Variants in NAALADL2 observed in about 807,000 individuals in gnomAD.
The protein encoded by NAALADL2 is N-acetylated alpha-linked acidic dipeptidase like 2.
A neutral mutation model predicts 87.2 loss-of-function variants in NAALADL2; 76 were observed. The ratio of observed to expected loss-of-function variants is 0.87; its 90% CI spans 0.72 to 1.05. The LOEUF (loss-of-function observed/expected upper bound fraction) is 1.05. Ranked by LOEUF, NAALADL2 falls within the 50% of genes least tolerant of loss-of-function variation. The pLI, the probability that NAALADL2 is intolerant of heterozygous loss-of-function variation, is 0.00. For missense variants in NAALADL2, 1,089 were observed against 945.8 expected (o/e 1.15, Z -1.99); for synonymous variants, 354 against 331.0 (o/e 1.07, Z -0.75).
intron 1 of NAALADL2, among the ~76,000 whole-genome samples, chr3:174,900,976 A>G (rs1732236010): frequency 6.6e-6 from 1 of 152,118 alleles, no homozygotes; most frequent in Non-Finnish European, 1.5e-5. Flanking sequence ...ATCTATAATC[A>G]ATTTGTAGAC....
rs897940851 is a variant in NAALADL2 at position 174,528,699 on chromosome 3, C to T, written c.-183-21870C>T. On this transcript the variant is annotated intron_variant, in intron 1 of 3. Coordinates refer to the NAALADL2 transcript ENST00000434257. ...TGGACTTACAGTTCCACATGGCTGG[C>T]GAGACCTCACAATCAAGGTGGAAGG... Among the ~76,000 whole-genome samples, 12 of 152,078 alleles carry T rather than the reference C, an allele frequency of 7.9e-5. No homozygotes were observed. In the South Asian group the frequency reaches 1.2e-3, roughly 16 times the overall value.
intron 11 of NAALADL2, among the ~76,000 whole-genome samples, chr3:175,650,102 T>C (rs540485154): frequency 1.4e-5 from 2 of 138,420 alleles, no homozygotes; most frequent in East Asian, 2.0e-4. Context: ...ATTTTGCAAG[T>C]AGATAAATAA....
chr3:175,396,759 G>C (rs1769847994), intron 5 of NAALADL2, among the ~76,000 whole-genome samples: 2 of 152,062 alleles, frequency 1.3e-5, no homozygotes, highest in Admixed American at 1.3e-4. Context: ...TCTTGTGACT[G>C]AGTGAGTCCT....
intron 1 of NAALADL2, among the ~76,000 whole-genome samples, chr3:174,959,567 A>C (rs1215335838): frequency 6.6e-6 from 1 of 152,062 alleles, no homozygotes; most frequent in Non-Finnish European, 1.5e-5. Flanking sequence ...AAGTATGCAC[A>C]GTGAATGTGT....
intron 3 of NAALADL2, among the ~76,000 whole-genome samples, chr3:174,794,781 A>G (rs926678208): frequency 3.3e-5 from 5 of 152,142 alleles, no homozygotes; most frequent in African/African-American, 9.7e-5. Flanking sequence ...TCTTAGCACT[A>G]TAAGTAAGAT....
At chr3:175,334,227 G>T (rs770118286) in intron 5 of NAALADL2, among the ~76,000 whole-genome samples, 1 of 152,132 alleles carries the variant, frequency 6.6e-6, no homozygotes, top group Non-Finnish European at 1.5e-5. Flanking sequence ...GATGGACAAA[G>T]CTAGATTAGG....
intron 5 of NAALADL2, among the ~76,000 whole-genome samples, chr3:175,368,506 A>G (rs540127888): frequency 5.3e-5 from 8 of 152,130 alleles, no homozygotes; most frequent in African/African-American, 1.9e-4. Flanking sequence ...ACATTTTACA[A>G]ACGAATCTCT....
chr3:175,049,288 G>A (rs1032071517), intron 1 of NAALADL2, among the ~76,000 whole-genome samples: 4 of 152,178 alleles, frequency 2.6e-5, no homozygotes, highest in Non-Finnish European at 5.9e-5. Context: ...GTAAATGGAA[G>A]TGGGACAGAT....
At chr3:175,713,690 C>A (rs1740844808) in intron 11 of NAALADL2, among the ~76,000 whole-genome samples, 1 of 151,922 alleles carries the variant, frequency 6.6e-6, no homozygotes, top group South Asian at 2.1e-4. Flanking sequence ...TTTCTTTATT[C>A]TTTTTTGTTT....
chr3:175,570,845 A>T (rs2149540354), intron 9 of NAALADL2, among the ~76,000 whole-genome samples: 1 of 147,452 alleles, frequency 6.8e-6, no homozygotes, highest in Non-Finnish European at 1.5e-5. Flanking sequence ...GTGCCACTGC[A>T]CTCCAGCCTG....
intron 1 of NAALADL2, among the ~76,000 whole-genome samples, chr3:175,051,898 G>A (rs1056377929): frequency 6.6e-6 from 1 of 152,186 alleles, no homozygotes; most frequent in African/African-American, 2.4e-5. Context: ...AAGCAGAAGA[G>A]GCATTTGCCG....
rs10591566 is a variant in NAALADL2, at chr3:175,463,701, G to GGAGAGAGAGAGAGAGAGAGAGAGAGAGA, written c.1327+216_1327+243dup. Among the ~76,000 whole-genome samples, 271 of 115,460 alleles carry GGAGAGAGAGAGAGAGAGAGAGAGAGAGA rather than the reference G, an allele frequency of 2.3e-3. 8 individuals carry two copies. The highest frequency in any genetic ancestry group is 0.01 in the African/African-American group (258 of 25,322). The allele number at this position is 115,460 out of a possible 152,430, so 75.7% of individuals were successfully genotyped here. On this transcript the variant is annotated intron_variant, in intron 7 of 13. Coordinates refer to ENST00000454872, the MANE Select transcript of NAALADL2 (RefSeq NM_207015.3). ...TCTTCTAAAATAAATCTTAGTCGGG[G>GGAGAGAGAGAGAGAGAGAGAGAGAGAGA]GAGAGAGAGAGAGAGAGAGAGAGAG...
chr3:175,791,868 T>G (rs1053679372), intron 13 of NAALADL2, among the ~76,000 whole-genome samples: 4 of 151,172 alleles, frequency 2.6e-5, no homozygotes, highest in Admixed American at 1.3e-4. Context: ...CCCTCTAATA[T>G]TCACAGCTGA....
chr3:174,472,479 T>C (rs757306324), intron 1 of NAALADL2, among the ~76,000 whole-genome samples: 3 of 152,076 alleles, frequency 2.0e-5, no homozygotes, highest in African/African-American at 4.8e-5. Context: ...GTAGGGGGAA[T>C]TGGTGAGTGT....
chr3:175,808,879 TA>T lies in NAALADL2; in HGVS notation c.*5677del, dbSNP rs1364737040. ...AGTCCCTATTTTAATGAACTACATA[TA>T]TTTTTCAATCAAAATGTGTAATTAT... is the stretch of plus-strand genomic sequence containing the variant. On this transcript the variant is annotated 3_prime_UTR_variant, in exon 14 of 14. Coordinates refer to ENST00000454872, the MANE Select transcript of NAALADL2 (RefSeq NM_207015.3). 6.6e-6 allele frequency: 1 copy of T among 151,978 alleles called. No individual in the cohort carries two copies. Among genetic ancestry groups the T allele is most frequent in the Non-Finnish European group, 1.5e-5 (1 of 67,934 alleles). 9.4% of individuals were successfully genotyped at this position (151,978 alleles called of 1,614,324 possible).
intron 1 of NAALADL2, among the ~76,000 whole-genome samples, chr3:174,928,392 A>G (rs950245883): frequency 6.6e-6 from 1 of 152,024 alleles, no homozygotes; most frequent in Non-Finnish European, 1.5e-5. Flanking sequence ...GGCACCTACC[A>G]CTATGCCCAG....
intron 2 of NAALADL2, among the ~76,000 whole-genome samples, chr3:175,123,237 A>C (rs1019643412): frequency 1.8e-4 from 28 of 151,992 alleles, no homozygotes; most frequent in Non-Finnish European, 1.5e-5. Flanking sequence ...AACCAAGAGA[A>C]GACATTAGAA....
intron 2 of NAALADL2, among the ~76,000 whole-genome samples, chr3:174,735,861 C>T (rs1409059027): frequency 1.3e-5 from 2 of 152,200 alleles, no homozygotes; most frequent in Non-Finnish European, 2.9e-5. Flanking sequence ...GCTCGTTCTG[C>T]CCACTTGACC....
chr3:175,509,949 C>A (rs953310935), intron 9 of NAALADL2, among the ~76,000 whole-genome samples: 1 of 152,050 alleles, frequency 6.6e-6, no homozygotes, highest in African/African-American at 2.4e-5. Flanking sequence ...GTGCTGCACC[C>A]ATTAACTTGT....
Sources: allele counts gnomAD v4.1 joint callset (sites outside exome capture counted in the v4.1 genomes callset), GRCh38; gene constraint gnomAD v4.1.1; transcripts MANE v1.5; gene names NCBI Gene and HGNC (gene_info 2026-07-23, HGNC 2026-07-21).